OXR1: variants seen among roughly 807,000 people sequenced by gnomAD.
The protein encoded by OXR1 is oxidation resistance 1, also known as oxidation resistance protein 1.
In OXR1, 41 loss-of-function variants were observed where a neutral mutation model predicts 104.6. The ratio of observed to expected loss-of-function variants is 0.39; its 90% CI spans 0.31 to 0.51. The LOEUF (loss-of-function observed/expected upper bound fraction) is 0.51, where lower values mean the gene tolerates loss of function less well. Among genes scored for constraint, OXR1 ranks in the 20% least tolerant of loss-of-function variants. The probability of loss-of-function intolerance (pLI) is 0.77; values close to 1 mark genes in which losing one functional copy is unlikely to be tolerated. For synonymous variants in OXR1, 348 were observed against 348.4 expected (o/e 1.00, Z 0.01); for missense variants, 955 against 1,031.9 (o/e 0.93, Z 1.02).
At chr8:106,481,271 A>G (rs1422918894) in intron 2 of OXR1, among the ~76,000 whole-genome samples, 1 of 152,052 alleles carries the variant, frequency 6.6e-6, no homozygotes, top group African/African-American at 2.4e-5. Flanking sequence ...AAGCTGTATA[A>G]CATGGTTTTC....
intron 2 of OXR1, among the ~76,000 whole-genome samples, chr8:106,473,882 A>G (rs535335412): frequency 1.3e-5 from 2 of 149,118 alleles, no homozygotes; most frequent in Non-Finnish European, 3.0e-5. Flanking sequence ...TATAAGTACT[A>G]TAGCCCTTAT....
chr8:106,486,990 G>A (rs918678134), intron 2 of OXR1, among the ~76,000 whole-genome samples: 2 of 150,080 alleles, frequency 1.3e-5, no homozygotes, highest in Admixed American at 6.7e-5. Context: ...CCCAAATATT[G>A]TGAGGCCTTC....
At chr8:106,337,701 A>G (rs940423408) in intron 1 of OXR1, among the ~76,000 whole-genome samples, 6 of 152,232 alleles carry the variant, frequency 3.9e-5, no homozygotes, top group African/African-American at 1.4e-4. Context: ...TCTTGAGGTC[A>G]TATCTTTTCC....
chr8:106,697,506 C>G, intron 7 of OXR1: 2 of 1,610,288 alleles, frequency 1.2e-6, no homozygotes, highest in East Asian at 2.2e-5. Context: ...CGTTCTTGCC[C>G]TCTTGCAGCT....
At chr8:106,593,731 G>A (rs1020001822) in intron 3 of OXR1, among the ~76,000 whole-genome samples, 6 of 152,162 alleles carry the variant, frequency 3.9e-5, no homozygotes, top group Non-Finnish European at 8.8e-5. Context: ...TGCAGAAATC[G>A]CGCCACGGCA....
intron 2 of OXR1, among the ~76,000 whole-genome samples, chr8:106,498,537 C>T (rs1321735107): frequency 1.3e-5 from 2 of 152,090 alleles, no homozygotes; most frequent in Admixed American, 6.5e-5. Flanking sequence ...CAGCATGGAC[C>T]ATAGAAATGT....
intron 3 of OXR1, among the ~76,000 whole-genome samples, chr8:106,544,175 T>A (rs962741283): frequency 1.3e-5 from 2 of 152,046 alleles, no homozygotes; most frequent in Non-Finnish European, 2.9e-5. Flanking sequence ...ATCCTGTCTC[T>A]TAATTGTAGA....
chr8:106,676,114 C>G (rs111304703), intron 3 of OXR1, among the ~76,000 whole-genome samples: 22 of 152,158 alleles, frequency 1.4e-4, no homozygotes, highest in African/African-American at 5.3e-4. Context: ...CTAGTTTTGT[C>G]AGAAACTAGA....
intron 7 of OXR1, chr8:106,697,848 C>T (rs1176097772): frequency 1.2e-6 from 2 of 1,612,254 alleles, no homozygotes; most frequent in African/African-American, 1.3e-5. Flanking sequence ...CATCCTTGAG[C>T]CAGTTCTGGA....
intron 6 of OXR1, among the ~76,000 whole-genome samples, chr8:106,684,994 TC>T (rs1169783057): frequency 6.6e-6 from 1 of 152,144 alleles, no homozygotes; most frequent in Non-Finnish European, 1.5e-5. Flanking sequence ...ACTATTTTTC[TC>T]CTTGCCTGGG....
chr8:106,321,437 G>T (rs1814212823), intron 1 of OXR1, among the ~76,000 whole-genome samples: 1 of 152,162 alleles, frequency 6.6e-6, no homozygotes, highest in Admixed American at 6.5e-5. Flanking sequence ...GGGACAGATA[G>T]GAGACAGAAG....
intron 3 of OXR1, among the ~76,000 whole-genome samples, chr8:106,605,586 G>C (rs6984715): frequency 1.0e-3 from 154 of 151,338 alleles, no homozygotes; most frequent in African/African-American, 3.6e-3. Context: ...CCTGAGGTCG[G>C]GAGTTCCAGA....
At chr8:106,376,428 A>C (rs529215632) in intron 2 of OXR1, among the ~76,000 whole-genome samples, 2 of 152,348 alleles carry the variant, frequency 1.3e-5, no homozygotes, top group South Asian at 2.1e-4. Context: ...TGAAATCATA[A>C]AAGACAGGGT....
intron 16 of OXR1, among the ~76,000 whole-genome samples, chr8:106,750,224 C>T (rs1484237840): frequency 2.0e-5 from 3 of 151,052 alleles, no homozygotes; most frequent in African/African-American, 7.3e-5. Context: ...AAAATTACAG[C>T]GTAGTACCTG....
intron 3 of OXR1, among the ~76,000 whole-genome samples, chr8:106,673,673 G>A (rs966540038): frequency 5.9e-5 from 9 of 152,214 alleles, no homozygotes; most frequent in South Asian, 2.1e-4. Context: ...CCCATCACAG[G>A]CCTGGAGACT....
At chr8:106,694,610 GTTTATATATATTTGATATA>G (rs1829689072) in intron 7 of OXR1, among the ~76,000 whole-genome samples, 2 of 106,768 alleles carry the variant, frequency 1.9e-5, no homozygotes, top group African/African-American at 7.9e-5. Context: ...ATAAATATAT[GTTTATATATATTTGATATA>G]TAAATATATG....
At chr8:106,373,566 G>A (rs916706117) in intron 2 of OXR1, among the ~76,000 whole-genome samples, 1 of 152,004 alleles carries the variant, frequency 6.6e-6, no homozygotes, top group African/African-American at 2.4e-5. Context: ...TTCTTCTATG[G>A]TACTGGTTAT....
At chr8:106,526,658 T>G (rs1313360765) in intron 3 of OXR1, among the ~76,000 whole-genome samples, 4 of 152,198 alleles carry the variant, frequency 2.6e-5, no homozygotes, top group Non-Finnish European at 4.4e-5. Flanking sequence ...TTCTCCTGCC[T>G]CAGCCTCCCG....
intron 2 of OXR1, among the ~76,000 whole-genome samples, chr8:106,495,504 T>A (rs1323207287): frequency 6.6e-6 from 1 of 152,212 alleles, no homozygotes; most frequent in Non-Finnish European, 1.5e-5. Context: ...TCCCTAGTTT[T>A]CCTGTTGTAG....
Sources: allele counts gnomAD v4.1 joint callset (sites outside exome capture counted in the v4.1 genomes callset), GRCh38; gene constraint gnomAD v4.1.1; transcripts MANE v1.5; gene names NCBI Gene and HGNC (gene_info 2026-07-23, HGNC 2026-07-21).